Variants in RAPGEF5 observed in about 807,000 individuals in gnomAD.
RAPGEF5 encodes M-Ras-regulated GEF.
Under a neutral mutation model 125.2 loss-of-function variants are expected in RAPGEF5, and 65 were observed. The observed-to-expected ratio is 0.52, with a 90% CI of 0.43 to 0.64. RAPGEF5 has a LOEUF of 0.64. RAPGEF5 is among the 30% of genes least tolerant of loss of function. RAPGEF5 has a pLI of 0.00. For synonymous variants in RAPGEF5, 391 were observed against 385.9 expected, an observed-to-expected ratio of 1.01 and a Z score of -0.16; for missense variants, 958 against 1,048.1, an observed-to-expected ratio of 0.91 and a Z score of 1.19.
At chr7:22,340,399 C>T (rs1469002473) in intron 1 of RAPGEF5, among the ~76,000 whole-genome samples, 4 of 152,142 alleles carry the variant, frequency 2.6e-5, no homozygotes, top group Admixed American at 6.5e-5. Context: ...TCTTCACAAA[C>T]CAGGAAGAAG....
chr7:22,194,899 G>T, intron 9 of RAPGEF5: 1 of 297,608 alleles, frequency 3.4e-6, no homozygotes, highest in Non-Finnish European at 5.0e-6. Context: ...CACTTCCAGA[G>T]TGTTTAGTGT....
chr7:22,276,681 C>A (rs1002992423), intron 6 of RAPGEF5, among the ~76,000 whole-genome samples: 2 of 152,200 alleles, frequency 1.3e-5, no homozygotes, highest in Admixed American at 6.5e-5. Context: ...ATCCAAAAGT[C>A]TAAAACAAGA....
chr7:22,214,599 T>C (rs1562765184), intron 9 of RAPGEF5, among the ~76,000 whole-genome samples: 1 of 152,208 alleles, frequency 6.6e-6, no homozygotes, highest in Non-Finnish European at 1.5e-5. Context: ...GTAACTATTT[T>C]ACTGAAAATA....
intron 2 of RAPGEF5, among the ~76,000 whole-genome samples, chr7:22,316,976 T>TAAAAAAAAAAAAAAAAAAAA (rs769310401): frequency 8.0e-6 from 1 of 125,516 alleles, no homozygotes. Context: ...TAAAACTATT[T>TAAAAAAAAAAAAAAAAAAAA]AAAAAAAAAA....
chr7:22,193,948 G>A lies in RAPGEF5; in HGVS notation c.1082C>T (p.Ala361Val). The change falls in exon 10 of 26, where the codon GCC (alanine) becomes GTC (valine). Residue 361 changes from alanine to valine, a missense_variant. Physicochemically the swap from Ala to Val is moderately conservative, Grantham distance 64 (BLOSUM62 0). Transcript: ENST00000665637. ...GCTCTCCGCACTCCCAGCTGTGGGG[G>A]CTGGGCCACAGCACTGCACTTTCTT... ...VLKKVQCCGP[A>V]PTAGSAESHW... The A allele has an allele frequency of 6.2e-7, 1 of 1,613,888 alleles. No individual in the cohort carries two copies. The highest frequency in any genetic ancestry group is 8.5e-7 in the Non-Finnish European group (1 of 1,179,862).
At chr7:22,224,854 T>C (rs1785881560) in intron 8 of RAPGEF5, among the ~76,000 whole-genome samples, 1 of 150,374 alleles carries the variant, frequency 6.7e-6, no homozygotes, top group Non-Finnish European at 1.5e-5. Flanking sequence ...TTTTTTTTAA[T>C]CAGCTGATTA....
intron 6 of RAPGEF5, among the ~76,000 whole-genome samples, chr7:22,271,298 G>A (rs1470532565): frequency 6.6e-6 from 1 of 152,190 alleles, no homozygotes; most frequent in Non-Finnish European, 1.5e-5. Flanking sequence ...TCCAGGGTGA[G>A]AAATCACTGC....
At chr7:22,264,488 T>C (rs751193851) in intron 7 of RAPGEF5, among the ~76,000 whole-genome samples, 1 of 152,228 alleles carries the variant, frequency 6.6e-6, no homozygotes, top group Non-Finnish European at 1.5e-5. Flanking sequence ...CAATCTAACA[T>C]GTGTGGGTCT....
intron 2 of RAPGEF5, among the ~76,000 whole-genome samples, chr7:22,316,978 A>T (rs970311917): frequency 1.8e-4 from 27 of 148,396 alleles, no homozygotes; most frequent in African/African-American, 6.7e-4. Context: ...AAACTATTTA[A>T]AAAAAAAAAA....
chr7:22,340,476 T>C (rs1784104390), intron 1 of RAPGEF5, among the ~76,000 whole-genome samples: 1 of 152,012 alleles, frequency 6.6e-6, no homozygotes, highest in Non-Finnish European at 1.5e-5. Context: ...TGGACCTGAG[T>C]CTCTGAACTG....
At chr7:22,206,350 C>T (rs566790735) in intron 9 of RAPGEF5, among the ~76,000 whole-genome samples, 8 of 152,194 alleles carry the variant, frequency 5.3e-5, no homozygotes, top group African/African-American at 7.2e-5. Flanking sequence ...AAAAATTATG[C>T]ATGTGATAGT....
chr7:22,236,126 T>C (rs971066257), intron 7 of RAPGEF5, among the ~76,000 whole-genome samples: 2 of 152,184 alleles, frequency 1.3e-5, no homozygotes, highest in African/African-American at 4.8e-5. Flanking sequence ...CAGCTGAACT[T>C]GAGACTGTTG....
intron 5 of RAPGEF5, among the ~76,000 whole-genome samples, chr7:22,304,827 A>G (rs1379477640): frequency 6.6e-6 from 1 of 152,214 alleles, no homozygotes; most frequent in Non-Finnish European, 1.5e-5. Flanking sequence ...GACTTTTCTC[A>G]GGACACTTCT....
intron 3 of RAPGEF5, chr7:22,314,766 T>C: frequency 2.5e-6 from 1 of 398,990 alleles, no homozygotes; most frequent in Non-Finnish European, 3.4e-6. Flanking sequence ...ACTTTTGGTT[T>C]TTTCTTTAAA....
chr7:22,122,272 G>T lies in RAPGEF5; in HGVS notation c.*134C>A, dbSNP rs1583375432. 5 of 681,054 alleles carry T rather than the reference G, an allele frequency of 7.3e-6. No homozygotes were observed. The highest frequency in any genetic ancestry group is 1.2e-5 in the Non-Finnish European group (5 of 408,040). 42.2% of individuals were successfully genotyped at this position (681,054 alleles called of 1,614,324 possible). On this transcript the variant is annotated 3_prime_UTR_variant, in exon 26 of 26. Coordinates refer to ENST00000665637, the MANE Select transcript of RAPGEF5 (RefSeq NM_012294.5). ...TCACTTCCTGAACACGCTTTGGCTGGCTTTCCTGTGAATGTCTTGGGTTAT... is the reference window on the plus strand; with the variant it reads ...TCACTTCCTGAACACGCTTTGGCTGTCTTTCCTGTGAATGTCTTGGGTTAT...
intron 15 of RAPGEF5, 91 bp from the exon 16 acceptor site, chr7:22,156,979 C>T: frequency 6.5e-7 from 1 of 1,527,366 alleles, no homozygotes; most frequent in Non-Finnish European, 8.8e-7. Flanking sequence ...AAAGAACTAG[C>T]CAAATTTTTT....
intron 9 of RAPGEF5, among the ~76,000 whole-genome samples, chr7:22,209,708 G>T (rs78188709): frequency 0.095 from 14,417 of 152,106 alleles, 737 homozygotes; most frequent in Middle Eastern, 0.14. Context: ...GGTAGGGGAG[G>T]AGTAGTTCTA....
At chr7:22,197,950 C>T (rs867832624) in intron 9 of RAPGEF5, among the ~76,000 whole-genome samples, 7 of 146,730 alleles carry the variant, frequency 4.8e-5, no homozygotes, top group African/African-American at 1.8e-4. Context: ...AGTGCAGGAG[C>T]ACAATCTCCA....
chr7:22,207,598 T>C (rs954473364), intron 9 of RAPGEF5, among the ~76,000 whole-genome samples: 18 of 152,208 alleles, frequency 1.2e-4, no homozygotes, highest in African/African-American at 4.3e-4. Flanking sequence ...ACAACAAAAA[T>C]TCTTTAACAG....
Sources: gnomAD v4.1 joint callset for allele counts (sites outside exome capture counted in the v4.1 genomes callset) on GRCh38, gnomAD v4.1.1 for gene constraint, MANE v1.5 for transcripts, NCBI Gene and HGNC (gene_info 2026-07-23, HGNC 2026-07-21) for gene names.